Variants in GNAS-AS1 observed in about 807,000 individuals in gnomAD.
GNAS-AS1 encodes the protein GNAS antisense RNA 1, also known as GNAS antisense RNA 1 (non-protein coding).
chr20:58,838,916 CA>C (rs766172876), intron 4 of GNAS-AS1: 42,722 of 247,246 alleles, frequency 0.17, 96 homozygotes, highest in South Asian at 0.19. Context: ...GATTCTGTCT[CA>C]AAAAAAAAAA....
At chr20:58,830,597 C>CTA (rs2085561272) in intron 4 of GNAS-AS1, among the ~76,000 whole-genome samples, 6 of 134,982 alleles carry the variant, frequency 4.4e-5, no homozygotes, top group South Asian at 2.5e-4. Context: ...ACAATCACCA[C>CTA]CACCACCATC....
At chr20:58,830,777 C>A (rs2085564068) in intron 4 of GNAS-AS1, among the ~76,000 whole-genome samples, 1 of 150,772 alleles carries the variant, frequency 6.6e-6, no homozygotes, top group Non-Finnish European at 1.5e-5. Context: ...GGTCAGCTAG[C>A]AAGCAGAAGG....
exon 5 of GNAS-AS1, chr20:58,818,970 G>A (rs6026543): frequency 0.036 from 14,289 of 398,268 alleles, 535 homozygotes; most frequent in African/African-American, 0.12. Context: ...CACTAGATAC[G>A]CCCCATCTCC....
At chr20:58,838,916 CAAAAAA>C (rs766172876) in intron 4 of GNAS-AS1, 79 of 252,920 alleles carry the variant, frequency 3.1e-4, no homozygotes, top group South Asian at 6.5e-4. Context: ...GATTCTGTCT[CAAAAAA>C]AAAAAAAAAA....
intron 4 of GNAS-AS1, chr20:58,839,786 A>C (rs2085652531): frequency 3.5e-6 from 2 of 569,202 alleles, no homozygotes; most frequent in Admixed American, 3.4e-5. Context: ...GGACCGGCGG[A>C]GGCACCTCTC....
Position 58,841,443 on chromosome 20 carries a change from G to A in GNAS-AS1, n.819+494C>T, listed in dbSNP as rs1430363963. ...TGACCACCCGGGAGGGAAGTCACGC[G>A]CGCGCGGCGCCTAAGCAGCTCAGAG... is the stretch of plus-strand genomic sequence containing the variant. On this transcript the variant is annotated intron_variant and non_coding_transcript_variant, in intron 4 of 4. Transcript: ENST00000424094. The surrounding 1 kb of genome is among the most constrained non-coding windows in gnomAD (Gnocchi z 5.0). 3.0e-6 allele frequency: 3 copies of A among 993,064 alleles called. No individual in the cohort carries two copies. The African/African-American group carries it at 5.2e-5, about 17-fold the overall frequency. The allele number at this position is 993,064 out of a possible 1,614,324, so 61.5% of individuals were successfully genotyped here.
chr20:58,819,017 A>C (rs1215163634), exon 5 of GNAS-AS1: 3 of 398,598 alleles, frequency 7.5e-6, no homozygotes, highest in Non-Finnish European at 1.3e-5. Context: ...GTGATACAGA[A>C]ACCTGCAGAG....
chr20:58,842,233 A>T (rs777375142), intron 3 of GNAS-AS1: 4 of 398,378 alleles, frequency 1.0e-5, no homozygotes, highest in African/African-American at 8.2e-5. Flanking sequence ...GGAAAGACTG[A>T]TAAGTGAAAT....
chr20:58,836,454 C>T (rs940403898), intron 4 of GNAS-AS1: 7 of 152,248 alleles, frequency 4.6e-5, no homozygotes, highest in South Asian at 2.1e-4. Context: ...ACAATTTATC[C>T]GAATCAGAAG....
Position 58,840,911 on chromosome 20 carries a change from G to A in GNAS-AS1, n.819+1026C>T, listed in dbSNP as rs1360521179. ...GGTTAGTTGCCCACCGCTAAACTGG[G>A]GAGCCTGAGGGCGGTGTGGGAGCAG... On this transcript the variant is annotated intron_variant and non_coding_transcript_variant, in intron 4 of 4. Coordinates refer to ENST00000424094, the Ensembl canonical transcript of GNAS-AS1. This position sits in a 1 kb window ranked among gnomAD's most constrained non-coding sequence, Gnocchi z 6.0. 1.2e-6 allele frequency: 2 copies of A among 1,610,382 alleles called. No homozygotes were observed. The highest frequency in any genetic ancestry group is 1.1e-5 in the South Asian group (1 of 90,660).
rs112532266 is a variant in GNAS-AS1 at position 58,840,230 on chromosome 20, C to A, written n.819+1707G>T. ...CTGGCTCTCCTGCTCCATCGCGCTC[C>A]TCCGCGCCCTTGCCACCTCCAACGC... On this transcript the variant is annotated intron_variant and non_coding_transcript_variant, in intron 4 of 4. Transcript: ENST00000424094. This position sits in a 1 kb window ranked among gnomAD's most constrained non-coding sequence, Gnocchi z 6.0. The A allele has an allele frequency of 6.2e-7, 1 of 1,610,978 alleles. No individual in the cohort carries two copies. The highest frequency in any genetic ancestry group is 1.3e-5 in the African/African-American group (1 of 74,930).
At chr20:58,827,349 G>A (rs892110808) in intron 4 of GNAS-AS1, among the ~76,000 whole-genome samples, 3 of 152,236 alleles carry the variant, frequency 2.0e-5, no homozygotes, top group Non-Finnish European at 2.9e-5. Flanking sequence ...GAAGAGGGTC[G>A]TGCTAGCAGG....
At chr20:58,839,017 T>A in intron 4 of GNAS-AS1, 1 of 393,388 alleles carries the variant, frequency 2.5e-6, no homozygotes, top group Non-Finnish European at 4.4e-6. Flanking sequence ...AGGAGAGAAG[T>A]GGTTGTGTGA....
chr20:58,846,693 T>C (rs2085952551), intron 2 of GNAS-AS1, among the ~76,000 whole-genome samples: 1 of 152,184 alleles, frequency 6.6e-6, no homozygotes, highest in Non-Finnish European at 1.5e-5. Context: ...CTCAACCCCA[T>C]GTGAGAGCTG....
chr20:58,847,582 T>G (rs971011313), intron 2 of GNAS-AS1, among the ~76,000 whole-genome samples: 1 of 152,206 alleles, frequency 6.6e-6, no homozygotes, highest in Non-Finnish European at 1.5e-5. Flanking sequence ...TTTTACTTTT[T>G]CCTCAATTGA....
At chr20:58,832,106 A>T (rs1273838562) in intron 4 of GNAS-AS1, among the ~76,000 whole-genome samples, 1 of 152,230 alleles carries the variant, frequency 6.6e-6, no homozygotes, top group African/African-American at 2.4e-5. Flanking sequence ...AAGTGGCAGA[A>T]GATGAGAAAA....
chr20:58,840,969 G>A lies in GNAS-AS1; in HGVS notation n.819+968C>T. The stretch of plus-strand genomic sequence containing the variant: ...GGAAAGGAGGTGAGAAGGAAAGGCA[G>A]GTCAGGGGCGAGTGGGAAGAGAGGA... On this transcript the variant is annotated intron_variant and non_coding_transcript_variant, in intron 4 of 4. Coordinates refer to ENST00000424094, the Ensembl canonical transcript of GNAS-AS1. The surrounding 1 kb of genome is among the most constrained non-coding windows in gnomAD (Gnocchi z 6.0). The A allele has an allele frequency of 2.8e-6, 4 of 1,435,568 alleles. No homozygotes were observed. Among genetic ancestry groups the A allele is most frequent in the Non-Finnish European group, 3.8e-6 (4 of 1,039,134 alleles). 88.9% of individuals were successfully genotyped at this position (1,435,568 alleles called of 1,614,324 possible).
chr20:58,831,455 T>C (rs925674653), intron 4 of GNAS-AS1, among the ~76,000 whole-genome samples: 4 of 152,138 alleles, frequency 2.6e-5, no homozygotes, highest in African/African-American at 7.2e-5. Context: ...GGCGGGCAGA[T>C]CACGAGATCA....
chr20:58,835,038 C>G (rs2085593316), intron 4 of GNAS-AS1, among the ~76,000 whole-genome samples: 1 of 151,792 alleles, frequency 6.6e-6, no homozygotes, highest in Admixed American at 6.6e-5. Context: ...AAAATAGCAC[C>G]CTAGAGAGCT....
Sources: allele counts gnomAD v4.1 joint callset (sites outside exome capture counted in the v4.1 genomes callset), GRCh38; gene constraint gnomAD v4.1.1; non-coding constraint Gnocchi (gnomAD v3.1); transcripts MANE v1.5; gene names NCBI Gene and HGNC (gene_info 2026-07-23, HGNC 2026-07-21).